Variants in RTTN observed in about 807,000 individuals in gnomAD.
RTTN encodes the protein rotatin.
In RTTN, 182 loss-of-function variants were observed where a neutral mutation model predicts 269.2. That is an observed-to-expected ratio of 0.68 (90% CI 0.60 to 0.76). The LOEUF (loss-of-function observed/expected upper bound fraction) is 0.76. Among genes scored for constraint, RTTN ranks in the 30% least tolerant of loss-of-function variants. The pLI, the probability that RTTN is intolerant of heterozygous loss-of-function variation, is 0.00. For synonymous variants in RTTN, 1,006 were observed against 963.5 expected (o/e 1.04, Z -0.82); for missense variants, 2,545 against 2,608.6 (o/e 0.98, Z 0.53).
intron 39 of RTTN, 125 bp downstream of exon 39, chr18:70,051,286 G>T: frequency 1.7e-6 from 2 of 1,155,410 alleles, no homozygotes; most frequent in South Asian, 2.2e-5. Flanking sequence ...CAAGCACCCT[G>T]ATACCTCTTT....
At chr18:70,041,585 C>G (rs1207008533) in intron 40 of RTTN, among the ~76,000 whole-genome samples, 2 of 152,120 alleles carry the variant, frequency 1.3e-5, no homozygotes, top group African/African-American at 4.8e-5. Flanking sequence ...CTTCAAGTCT[C>G]TAAAATGCAG....
intron 1 of RTTN, 84 bp from the exon 2 acceptor site, chr18:70,205,399 A>G (rs898298146): frequency 1.3e-6 from 2 of 1,550,740 alleles, no homozygotes; most frequent in Non-Finnish European, 1.8e-6. Flanking sequence ...AGCGGCGTGA[A>G]GACGGAATAA....
rs187578160 is a variant in RTTN at position 70,146,132 on chromosome 18, G to T, written c.2310-349C>A. Among the ~76,000 whole-genome samples, 175 of 152,212 alleles carry T rather than the reference G, an allele frequency of 1.1e-3. 1 individual carries two copies. The highest frequency in any genetic ancestry group is 4.0e-3 in the African/African-American group (168 of 41,546). ...AGTGAACTATTCTCCACCATAAAAA[G>T]TATCACAGACCGCTGACCACAGTCC... On this transcript the variant is annotated intron_variant, in intron 17 of 48. Coordinates refer to ENST00000640769, the MANE Select transcript of RTTN (RefSeq NM_173630.4).
At chr18:70,020,928 G>C in intron 44 of RTTN, 111 bp from the exon 45 acceptor site, 3 of 823,638 alleles carry the variant, frequency 3.6e-6, no homozygotes, top group Non-Finnish European at 5.7e-6. Context: ...CCATTAACCT[G>C]TGAACTGCAA....
chr18:70,138,197 T>C (rs1026890443), intron 21 of RTTN: 12 of 152,240 alleles, frequency 7.9e-5, no homozygotes, highest in African/African-American at 2.9e-4. Flanking sequence ...GAGAAATGCT[T>C]GAACCCAGGA....
intron 11 of RTTN, among the ~76,000 whole-genome samples, chr18:70,174,282 A>C (rs1393911120): frequency 1.3e-5 from 2 of 152,190 alleles, no homozygotes; most frequent in African/African-American, 4.8e-5. Context: ...AACACACAGA[A>C]GAGACACCAG....
chr18:70,101,523 A>T (rs1322741260), intron 28 of RTTN, among the ~76,000 whole-genome samples: 1 of 152,026 alleles, frequency 6.6e-6, no homozygotes, highest in African/African-American at 2.4e-5. Context: ...TTTTCAAAAA[A>T]CCAGCTCCTG....
At chr18:70,170,499 T>C (rs901191203) in intron 11 of RTTN, among the ~76,000 whole-genome samples, 1 of 152,132 alleles carries the variant, frequency 6.6e-6, no homozygotes, top group African/African-American at 2.4e-5. Flanking sequence ...AGTAGAACCC[T>C]GGAAGGGTCA....
intron 35 of RTTN, chr18:70,061,413 A>T (rs1232797079): frequency 4.4e-6 from 2 of 456,232 alleles, no homozygotes; most frequent in Non-Finnish European, 8.8e-6. Flanking sequence ...AAAGTGGAGA[A>T]TGGAGTTTGG....
At chr18:70,008,429 T>C (rs1300661657) in intron 46 of RTTN, 4 of 151,854 alleles carry the variant, frequency 2.6e-5, no homozygotes, top group Non-Finnish European at 5.9e-5. Flanking sequence ...AGAAGCAGGC[T>C]TCAGAAGGTG....
chr18:70,062,608 C>CT (rs34842071), intron 35 of RTTN, among the ~76,000 whole-genome samples: 71 of 61,860 alleles, frequency 1.1e-3, no homozygotes, highest in African/African-American at 1.8e-3. Flanking sequence ...ATCCTCCCCT[C>CT]TTTTTTTTTT....
chr18:70,121,108 G>T (rs2059726035), intron 26 of RTTN, among the ~76,000 whole-genome samples: 1 of 151,954 alleles, frequency 6.6e-6, no homozygotes, highest in Non-Finnish European at 1.5e-5. Flanking sequence ...TCTGACAGTA[G>T]TGGGGGCTAG....
intron 10 of RTTN, among the ~76,000 whole-genome samples, chr18:70,184,399 CA>C (rs1182420464): frequency 6.6e-6 from 1 of 151,786 alleles, no homozygotes; most frequent in Non-Finnish European, 1.5e-5. Context: ...ACTAAAAATA[CA>C]AAAAAATTAG....
At chr18:70,181,254 A>G (rs79309291) in intron 10 of RTTN, among the ~76,000 whole-genome samples, 4,432 of 152,284 alleles carry the variant, frequency 0.029, 231 homozygotes, top group African/African-American at 0.1. Context: ...CTGCTTTCCA[A>G]TGACTGCAAT....
In RTTN at chr18:70,193,418, G is replaced by T; in HGVS notation, c.877C>A (p.His293Asn). ...VSQNSSLSYC[H>N]EARGTHHSQN... ...GAATGATGAGTACCTCTTGCTTCAT[G>T]ACAATAAGACAAAGAAGAATTTTGG... is the stretch of plus-strand genomic sequence containing the variant. Residue 293 changes from histidine to asparagine, a missense_variant, in exon 8 of 49, where the codon CAT (histidine) becomes AAT (asparagine). By Grantham distance (68) the His-to-Asn change is moderately conservative. Transcript: ENST00000640769. 6.4e-7 allele frequency: 1 copy of T among 1,552,986 alleles called. No homozygotes were observed. Among genetic ancestry groups the T allele is most frequent in the South Asian group, 1.2e-5 (1 of 83,422 alleles).
chr18:70,127,127 A>G (rs929975732), intron 25 of RTTN, among the ~76,000 whole-genome samples: 1 of 152,198 alleles, frequency 6.6e-6, no homozygotes, highest in African/African-American at 2.4e-5. Flanking sequence ...AACAAAACAA[A>G]AGCAAAACAA....
rs532579710 is a variant in RTTN at position 70,152,289 on chromosome 18, T to C, written c.1930-1556A>G. On this transcript the variant is annotated intron_variant, in intron 14 of 48. Transcript: ENST00000640769. ...TAGTGTGGTGCAATGCTTAAGAATATGGGCTTTGGAGTGAGCCTATAGGGT... is the reference window on the plus strand; with the variant it reads ...TAGTGTGGTGCAATGCTTAAGAATACGGGCTTTGGAGTGAGCCTATAGGGT... Among the ~76,000 whole-genome samples, 6 of 152,300 alleles carry C rather than the reference T, an allele frequency of 3.9e-5. No individual in the cohort carries two copies. The South Asian group carries it at 1.2e-3, about 32-fold the overall frequency.
intron 28 of RTTN, among the ~76,000 whole-genome samples, chr18:70,099,191 C>A (rs1176905304): frequency 2.6e-5 from 4 of 152,206 alleles, no homozygotes; most frequent in Non-Finnish European, 4.4e-5. Flanking sequence ...AATGGTTGAA[C>A]TAGTTTACAG....
chr18:70,105,376 A>G (rs777389730), intron 28 of RTTN, among the ~76,000 whole-genome samples: 4 of 152,128 alleles, frequency 2.6e-5, no homozygotes, highest in Non-Finnish European at 5.9e-5. Flanking sequence ...AAGTGTCCCA[A>G]TTTTCCAGGT....
Sources: allele counts gnomAD v4.1 joint callset (sites outside exome capture counted in the v4.1 genomes callset), GRCh38; gene constraint gnomAD v4.1.1; transcripts MANE v1.5; gene names NCBI Gene and HGNC (gene_info 2026-07-23, HGNC 2026-07-21).